Variants in SMAP1 observed in about 807,000 individuals in gnomAD.
SMAP1 encodes small ArfGAP 1, also known as stromal membrane-associated protein 1.
A neutral mutation model predicts 58.5 loss-of-function variants in SMAP1; 24 were observed. The ratio of observed to expected loss-of-function variants is 0.41; its 90% CI spans 0.30 to 0.58. SMAP1 has a LOEUF of 0.58. Among genes scored for constraint, SMAP1 ranks in the 20% least tolerant of loss-of-function variants. SMAP1 has a pLI of 0.29. For missense variants in SMAP1, 563 were observed against 566.3 expected (o/e 0.99, Z 0.06); for synonymous variants, 216 against 196.6 (o/e 1.10, Z -0.82).
intron 1 of SMAP1, among the ~76,000 whole-genome samples, chr6:70,697,703 A>T (rs556286980): frequency 6.6e-6 from 1 of 152,154 alleles, no homozygotes; most frequent in African/African-American, 2.4e-5. Context: ...TTTTGACTTG[A>T]TGTTACCATG....
intron 3 of SMAP1, among the ~76,000 whole-genome samples, chr6:70,757,336 A>T (rs1766537418): frequency 6.6e-6 from 1 of 151,068 alleles, no homozygotes; most frequent in South Asian, 2.1e-4. Flanking sequence ...CTGAAACTGG[A>T]TCCCTTCCTT....
intron 10 of SMAP1, chr6:70,859,330 T>C: frequency 1.9e-6 from 3 of 1,546,916 alleles, no homozygotes; most frequent in Non-Finnish European, 1.7e-6. Flanking sequence ...TACTTCCAGA[T>C]AATGCAGAAG....
At chr6:70,739,019 G>T (rs2149870714) in intron 2 of SMAP1, among the ~76,000 whole-genome samples, 1 of 152,246 alleles carries the variant, frequency 6.6e-6, no homozygotes, top group East Asian at 1.9e-4. Flanking sequence ...TACAATATTT[G>T]TGTGGTACCT....
At chr6:70,792,326 A>ATTTTTTTTTTTTTTT (rs70990333) in intron 5 of SMAP1, among the ~76,000 whole-genome samples, 1 of 140,174 alleles carries the variant, frequency 7.1e-6, no homozygotes, top group Non-Finnish European at 1.5e-5. Flanking sequence ...CTCTTTACCT[A>ATTTTTTTTTTTTTTT]TTTTTTTTTT....
chr6:70,714,301 T>C (rs1345155420), intron 1 of SMAP1, among the ~76,000 whole-genome samples: 4 of 152,176 alleles, frequency 2.6e-5, no homozygotes, highest in East Asian at 1.9e-4. Context: ...TTTGTAGTTG[T>C]TTTGTCCTCC....
In SMAP1 at chr6:70,754,979, G is replaced by A. The variant is rs1766426740; in HGVS notation, c.253-1G>A. 2 of 1,601,392 alleles carry A rather than the reference G, an allele frequency of 1.2e-6. No individual in the cohort carries two copies. The highest frequency in any genetic ancestry group is 1.7e-5 in the Admixed American group (1 of 58,258). ...TAATTAAAAAATTTTTTTTATTATA[G>A]TGCATGCAAGATATGGGAAATACTA... On this transcript the variant is annotated splice_acceptor_variant, in intron 2 of 10. Transcript: ENST00000370455. LOFTEE classifies it high-confidence loss of function.
chr6:70,843,585 T>G (rs1291848689), intron 7 of SMAP1, among the ~76,000 whole-genome samples: 2 of 152,198 alleles, frequency 1.3e-5, no homozygotes, highest in Non-Finnish European at 2.9e-5. Context: ...GCTCAGATTC[T>G]TAACACTATG....
At chr6:70,732,796 T>C (rs1345016592) in intron 2 of SMAP1, among the ~76,000 whole-genome samples, 2 of 152,214 alleles carry the variant, frequency 1.3e-5, no homozygotes, top group Non-Finnish European at 2.9e-5. Context: ...TATAATTCCA[T>C]AGTTTGTTTT....
intron 1 of SMAP1, among the ~76,000 whole-genome samples, chr6:70,674,447 C>T (rs555994326): frequency 6.6e-6 from 1 of 152,256 alleles, no homozygotes; most frequent in South Asian, 2.1e-4. Context: ...TACTAATCGT[C>T]TTTTCACGGA....
chr6:70,713,704 G>C (rs1310435003), intron 1 of SMAP1, among the ~76,000 whole-genome samples: 1 of 152,138 alleles, frequency 6.6e-6, no homozygotes, highest in African/African-American at 2.4e-5. Context: ...CACTTGAAAA[G>C]AATGTATATT....
At chr6:70,766,710 G>A (rs1038066219) in intron 3 of SMAP1, among the ~76,000 whole-genome samples, 2 of 152,126 alleles carry the variant, frequency 1.3e-5, no homozygotes, top group Non-Finnish European at 2.9e-5. Flanking sequence ...TGTTCACTCT[G>A]ATGGTAGTTT....
intron 6 of SMAP1, among the ~76,000 whole-genome samples, chr6:70,815,147 A>G (rs184093974): frequency 6.6e-6 from 1 of 152,286 alleles, no homozygotes; most frequent in Non-Finnish European, 1.5e-5. Context: ...TTAAATAAAT[A>G]TGTTCCTTTT....
chr6:70,817,349 C>T (rs1167910008), intron 6 of SMAP1, among the ~76,000 whole-genome samples: 1 of 151,910 alleles, frequency 6.6e-6, no homozygotes, highest in East Asian at 1.9e-4. Context: ...TTAAAAACAT[C>T]TAAGGAAAGA....
chr6:70,845,687 CTG>C (rs1434006893), intron 7 of SMAP1, among the ~76,000 whole-genome samples: 1 of 152,146 alleles, frequency 6.6e-6, no homozygotes, highest in African/African-American at 2.4e-5. Flanking sequence ...TAAAACCCAT[CTG>C]TATCTTATCA....
At chr6:70,846,485 G>A (rs1008911575) in intron 7 of SMAP1, among the ~76,000 whole-genome samples, 6 of 152,112 alleles carry the variant, frequency 3.9e-5, no homozygotes, top group African/African-American at 4.8e-5. Context: ...AGAACATTCC[G>A]ATGCCATAAA....
At chr6:70,723,452 C>A (rs1183030289) in intron 1 of SMAP1, among the ~76,000 whole-genome samples, 1 of 152,106 alleles carries the variant, frequency 6.6e-6, no homozygotes, top group Non-Finnish European at 1.5e-5. Context: ...TTACTCTTTC[C>A]CCAGATAGCT....
rs184099883 is a variant in SMAP1 at position 70,808,980 on chromosome 6, G to A, written c.576+10243G>A. On this transcript the variant is annotated intron_variant, in intron 6 of 10. Transcript: ENST00000370455. ...TTTCTTGCATATATGCCTTGGTGGA[G>A]TATTCTTAGTTTAAAATAGATTGTT... Among the ~76,000 whole-genome samples, 5 of 151,468 alleles carry A rather than the reference G, an allele frequency of 3.3e-5. No homozygotes were observed. In the East Asian group the frequency reaches 9.8e-4, roughly 30 times the overall value.
At chr6:70,839,839 A>G (rs1243944950) in intron 7 of SMAP1, among the ~76,000 whole-genome samples, 2 of 152,178 alleles carry the variant, frequency 1.3e-5, no homozygotes, top group Non-Finnish European at 2.9e-5. Flanking sequence ...TAAAAAAGCT[A>G]TGTTTCAGCA....
intron 1 of SMAP1, among the ~76,000 whole-genome samples, chr6:70,671,610 G>A (rs1217516690): frequency 6.6e-6 from 1 of 152,122 alleles, no homozygotes; most frequent in Non-Finnish European, 1.5e-5. Context: ...AAAACATATA[G>A]ATAAAATTCA....
Sources: allele counts gnomAD v4.1 joint callset (sites outside exome capture counted in the v4.1 genomes callset), GRCh38; gene constraint gnomAD v4.1.1; transcripts MANE v1.5; gene names NCBI Gene and HGNC (gene_info 2026-07-23, HGNC 2026-07-21).